LYZL2: variants seen among roughly 807,000 people sequenced by gnomAD.
LYZL2 encodes the protein lysozyme like 2.
Under a neutral mutation model 17.1 loss-of-function variants are expected in LYZL2, and 13 were observed. That is an observed-to-expected ratio of 0.76 (90% CI 0.49 to 1.21). The LOEUF (loss-of-function observed/expected upper bound fraction) is 1.21, where lower values mean the gene tolerates loss of function less well. Ranked by LOEUF, LYZL2 falls within the 50% of genes most tolerant of loss-of-function variation. LYZL2 has a pLI of 0.00. For missense variants in LYZL2, 166 were observed against 189.2 expected, an observed-to-expected ratio of 0.88 and a Z score of 0.72; for synonymous variants, 63 against 74.4, an observed-to-expected ratio of 0.85 and a Z score of 0.79.
At chr10:30,619,218 C>T (rs969345691) in intron 3 of LYZL2, among the ~76,000 whole-genome samples, 1 of 152,308 alleles carries the variant, frequency 6.6e-6, no homozygotes, top group African/African-American at 2.4e-5. Flanking sequence ...AACACTTTTA[C>T]ACTGTTGGTG....
chr10:30,611,714 GAAAGAAAGA>G (rs752819251), downstream of LYZL2: 591 of 435,606 alleles, frequency 1.4e-3, 5 homozygotes, highest in Middle Eastern at 8.5e-3. Context: ...AAGAAAGAAA[GAAAGAAAGA>G]AAAGAAAAGA....
At chr10:30,611,101 C>G (rs2132930655), downstream of LYZL2, among the ~76,000 whole-genome samples, 1 of 152,184 alleles carries the variant, frequency 6.6e-6, no homozygotes, top group South Asian at 2.1e-4. Flanking sequence ...TCGAATGAGT[C>G]TTATTTCGAA....
At chr10:30,624,022 A>G (rs921503566) in intron 3 of LYZL2, among the ~76,000 whole-genome samples, 3 of 152,166 alleles carry the variant, frequency 2.0e-5, no homozygotes, top group Admixed American at 6.5e-5. Flanking sequence ...TCCCTCATCG[A>G]GTCCCTTGTT....
chr10:30,626,004 G>A, intron 3 of LYZL2, 101 bp downstream of exon 3: 7 of 1,525,362 alleles, frequency 4.6e-6, no homozygotes, highest in Non-Finnish European at 6.2e-6. Flanking sequence ...TTGCAAGTCT[G>A]AACTCCAAAT....
the LYZL2 span, among the ~76,000 whole-genome samples, chr10:30,606,351 CT>C: frequency 0.038 from 4,954 of 131,782 alleles, 121 homozygotes; most frequent in South Asian, 0.051. Flanking sequence ...ATAATAATTA[CT>C]TTTTTTTTTT....
downstream of LYZL2, chr10:30,611,736 GGAAA>G (rs143782263): frequency 0.11 from 53,127 of 484,712 alleles, 3,778 homozygotes; most frequent in African/African-American, 0.25. Flanking sequence ...AGAAAAGAAA[GGAAA>G]GAAAGAAAGA....
At chr10:30,621,148 T>C (rs1455224459) in intron 3 of LYZL2, among the ~76,000 whole-genome samples, 1 of 152,080 alleles carries the variant, frequency 6.6e-6, no homozygotes, top group African/African-American at 2.4e-5. Context: ...ATCATCGAAT[T>C]GCTGAAAATG....
chr10:30,615,521 T>TTC (rs146438047), intron 3 of LYZL2, among the ~76,000 whole-genome samples: 92 of 149,302 alleles, frequency 6.2e-4, no homozygotes, highest in East Asian at 3.5e-3. Context: ...TTAAGTGTTC[T>TTC]TCTCTCTCTC....
rs373689013 is a variant in LYZL2 at position 30,613,973 on chromosome 10, G to A, written c.299-1073C>T. 1.0e-3 allele frequency among the ~76,000 whole-genome samples: 159 copies of A among 152,318 alleles called. 2 individuals carry two copies. Among genetic ancestry groups the A allele is most frequent in the African/African-American group, 3.7e-3 (154 of 41,566 alleles). On this transcript the variant is annotated intron_variant, in intron 3 of 4. Coordinates refer to ENST00000647634, the MANE Select transcript of LYZL2 (RefSeq NM_183058.3). Reference sequence around the variant, plus strand: ...AATCCTCTGGCTTTGGCCTCCCAAAGTGCTGGGATTACAGACATGAGCCAC... The same window carrying A: ...AATCCTCTGGCTTTGGCCTCCCAAAATGCTGGGATTACAGACATGAGCCAC...
At chr10:30,615,073 T>C (rs1316053563) in intron 3 of LYZL2, among the ~76,000 whole-genome samples, 1 of 152,200 alleles carries the variant, frequency 6.6e-6, no homozygotes, top group East Asian at 1.9e-4. Context: ...AAAATATCCA[T>C]TGAGAGCTGT....
chr10:30,624,031 T>C (rs1291427955), intron 3 of LYZL2, among the ~76,000 whole-genome samples: 1 of 152,208 alleles, frequency 6.6e-6, no homozygotes, highest in Non-Finnish European at 1.5e-5. Context: ...GAGTCCCTTG[T>C]TTCCCGAACT....
chr10:30,610,107 C>T (rs904943312), downstream of LYZL2, among the ~76,000 whole-genome samples: 12 of 125,488 alleles, frequency 9.6e-5, no homozygotes, highest in Admixed American at 4.9e-4. Context: ...TGAACACTAA[C>T]AATAGCTGAT....
At chr10:30,627,902 G>T (rs364688) in intron 1 of LYZL2, among the ~76,000 whole-genome samples, 18,597 of 152,254 alleles carry the variant, frequency 0.12, 1,355 homozygotes, top group African/African-American at 0.2. Context: ...GCTCACGCCT[G>T]TAATCCCGGC....
intron 3 of LYZL2, among the ~76,000 whole-genome samples, chr10:30,621,664 C>T (rs1168179305): frequency 6.6e-6 from 1 of 152,032 alleles, no homozygotes; most frequent in Non-Finnish European, 1.5e-5. Context: ...AAATATTCCT[C>T]AAAATCAAAA....
chr10:30,629,219 CT>C (rs1838767483), intron 1 of LYZL2, among the ~76,000 whole-genome samples: 1 of 152,092 alleles, frequency 6.6e-6, no homozygotes, highest in Non-Finnish European at 1.5e-5. Flanking sequence ...AAAGGTAGAC[CT>C]CTGTCACTAC....
At chr10:30,618,541 T>A (rs1838570618) in intron 3 of LYZL2, among the ~76,000 whole-genome samples, 6 of 152,244 alleles carry the variant, frequency 3.9e-5, no homozygotes, top group Admixed American at 3.9e-4. Flanking sequence ...AACTATGTGA[T>A]CTTTGACAAA....
intron 1 of LYZL2, among the ~76,000 whole-genome samples, chr10:30,628,156 C>A (rs893265465): frequency 6.7e-6 from 1 of 150,214 alleles, no homozygotes; most frequent in Non-Finnish European, 1.5e-5. Flanking sequence ...CGAGACTCCG[C>A]CTCAAAAAAA....
chr10:30,607,732 G>C (rs1454320644), downstream of LYZL2, among the ~76,000 whole-genome samples: 3 of 152,080 alleles, frequency 2.0e-5, no homozygotes, highest in Non-Finnish European at 4.4e-5. Flanking sequence ...CCCAGATCAG[G>C]ACCCTAAGCT....
Position 30,629,611 on chromosome 10 carries a change from G to T in LYZL2, c.-44C>A, listed in dbSNP as rs764824261. 3.7e-6 allele frequency: 6 copies of T among 1,614,046 alleles called. No homozygotes were observed. In the Admixed American group the frequency reaches 5.0e-5, roughly 13 times the overall value. ...GTCTTACTGAAAAGGCAGATTCCTG[G>T]TGCCTGCCGCAGAGGCTGACTTCTC... On this transcript the variant is annotated 5_prime_UTR_variant, in exon 1 of 5. Coordinates refer to ENST00000647634, the MANE Select transcript of LYZL2 (RefSeq NM_183058.3).
Sources: gnomAD v4.1 joint callset for allele counts (sites outside exome capture counted in the v4.1 genomes callset) on GRCh38, gnomAD v4.1.1 for gene constraint, MANE v1.5 for transcripts, NCBI Gene and HGNC (gene_info 2026-07-23, HGNC 2026-07-21) for gene names.